TRIM36: variants seen among roughly 807,000 people sequenced by gnomAD.
TRIM36 encodes the protein tripartite motif containing 36.
TRIM36 carries 42 observed loss-of-function variants against 72.4 expected under a neutral mutation model. The observed-to-expected ratio is 0.58, with a 90% CI of 0.45 to 0.75. TRIM36 has a LOEUF of 0.75. Ranked by LOEUF, TRIM36 falls within the 30% of genes least tolerant of loss-of-function variation. TRIM36 has a pLI of 0.00. For missense variants in TRIM36, 913 were observed against 857.1 expected (o/e 1.07, Z -0.81); for synonymous variants, 315 against 282.8 (o/e 1.11, Z -1.14).
chr5:115,168,156 A>G (rs112568417), intron 1 of TRIM36, among the ~76,000 whole-genome samples: 3,951 of 152,330 alleles, frequency 0.026, 174 homozygotes, highest in African/African-American at 0.09. Flanking sequence ...TTGGGTGTGG[A>G]CACAAAGCCT....
chr5:115,147,733 C>T (rs570101515), intron 2 of TRIM36, among the ~76,000 whole-genome samples: 2 of 152,188 alleles, frequency 1.3e-5, no homozygotes, highest in East Asian at 3.9e-4. Flanking sequence ...ATATAATTAG[C>T]ATTTATAGTT....
intron 7 of TRIM36, among the ~76,000 whole-genome samples, chr5:115,135,660 G>A (rs993384695): frequency 6.6e-6 from 1 of 152,040 alleles, no homozygotes; most frequent in Non-Finnish European, 1.5e-5. Flanking sequence ...CCACAGGGAG[G>A]GAGGACCTAG....
rs1326200311 is a variant in TRIM36 at position 115,134,026 on chromosome 5, A to T, written c.1332T>A (p.Asn444Lys). The change falls in exon 8 of 10, where the codon AAT (asparagine) becomes AAA (lysine). Residue 444 changes from asparagine to lysine, a missense_variant. Transcript: ENST00000513154. ...DSYVLEYRKI[N>K]RDDEMSWNEI... ...CATTCCATGACATTTCATCATCTCTATTGATTTTCCGATATTCAAGAACAT... is the reference window on the plus strand; with the variant it reads ...CATTCCATGACATTTCATCATCTCTTTTGATTTTCCGATATTCAAGAACAT... 2 of 1,613,844 alleles carry T rather than the reference A, an allele frequency of 1.2e-6. No homozygotes were observed. The highest frequency in any genetic ancestry group is 1.7e-5 in the Admixed American group (1 of 60,006).
At chr5:115,171,107 GT>G (rs777092725), upstream of TRIM36, 50 of 1,614,104 alleles carry the variant, frequency 3.1e-5, no homozygotes, top group Non-Finnish European at 4.2e-5. Context: ...TCTCGTTTAG[GT>G]TTTAAAATGC....
chr5:115,130,462 A>G, intron 9 of TRIM36, 130 bp downstream of exon 9: 1 of 1,052,626 alleles, frequency 9.5e-7, no homozygotes, highest in Middle Eastern at 3.1e-4. Flanking sequence ...TCCTTTTCTC[A>G]ATCAAGCCAC....
At chr5:115,151,363 C>T (rs1225912076) in intron 2 of TRIM36, among the ~76,000 whole-genome samples, 1 of 152,222 alleles carries the variant, frequency 6.6e-6, no homozygotes, top group Non-Finnish European at 1.5e-5. Flanking sequence ...ATCCCCGCAG[C>T]AGCTGCAGCA....
chr5:115,168,054 G>A lies in TRIM36; in HGVS notation c.27+1554C>T, dbSNP rs191001895. Among the ~76,000 whole-genome samples, 551 of 152,136 alleles carry A rather than the reference G, an allele frequency of 3.6e-3. 2 individuals carry two copies. Among genetic ancestry groups the A allele is most frequent in the African/African-American group, 0.013 (527 of 41,518 alleles). On this transcript the variant is annotated intron_variant, in intron 1 of 9. Coordinates refer to ENST00000513154, the MANE Select transcript of TRIM36 (RefSeq NM_001300759.2). ...AGATATTGGGAGAATTCACTATCAC[G>A]AAAACAGCATGGGGGAAACCACTCC...
chr5:115,146,997 A>T, intron 3 of TRIM36, 72 bp downstream of exon 3: 1 of 1,326,164 alleles, frequency 7.5e-7, no homozygotes, highest in Non-Finnish European at 1.0e-6. Flanking sequence ...TTTATTTCGT[A>T]ACATTAAGTA....
chr5:115,153,128 C>T (rs1753983378), intron 2 of TRIM36, among the ~76,000 whole-genome samples: 1 of 152,236 alleles, frequency 6.6e-6, no homozygotes, highest in South Asian at 2.1e-4. Flanking sequence ...CAACTATCTG[C>T]TGCCTTCAAG....
intron 1 of TRIM36, chr5:115,177,895 G>A: frequency 6.2e-7 from 1 of 1,612,102 alleles, no homozygotes; most frequent in Non-Finnish European, 8.5e-7. Context: ...GAGACAGAGA[G>A]AGAGAGAGCA....
chr5:115,180,238 T>C (rs547254718), upstream of TRIM36: 2 of 508,558 alleles, frequency 3.9e-6, no homozygotes, highest in Non-Finnish European at 6.9e-6. Flanking sequence ...CCGGGCAGCC[T>C]CGCCCGGCTT....
chr5:115,177,908 G>C (rs545026742), intron 1 of TRIM36: 2 of 1,600,692 alleles, frequency 1.2e-6, no homozygotes, highest in East Asian at 4.5e-5. Context: ...AGAGAGCAGA[G>C]AAATCCAGTA....
At chr5:115,140,775 G>C (rs1366878483) in intron 5 of TRIM36, among the ~76,000 whole-genome samples, 2 of 151,960 alleles carry the variant, frequency 1.3e-5, no homozygotes, top group African/African-American at 4.8e-5. Context: ...ACTGTTAATG[G>C]GCATGTGGGT....
intron 7 of TRIM36, among the ~76,000 whole-genome samples, chr5:115,134,606 T>C (rs548680679): frequency 3.3e-5 from 5 of 152,120 alleles, no homozygotes; most frequent in Non-Finnish European, 7.4e-5. Context: ...ACTGGCATGA[T>C]CTCAGCTCAC....
rs745675060 is a variant in TRIM36 at position 115,163,547 on chromosome 5, A to G, written c.233T>C (p.Met78Thr). The G allele has an allele frequency of 1.2e-6, 2 of 1,614,060 alleles. No individual in the cohort carries two copies. The highest frequency in any genetic ancestry group is 1.7e-5 in the Admixed American group (1 of 60,002). The part of the protein sequence containing the change: ...SPRLRLPSPS[M>T]DKIDRINRPG... ...TCTGTTAATTCGGTCAATTTTATCC[A>G]TACTAGGGGAGGGGAGCCGAAGTCG... Residue 78 changes from methionine (M) to threonine (T), a missense_variant, in exon 2 of 10, where the codon ATG (methionine) becomes ACG (threonine). Transcript: ENST00000513154.
chr5:115,148,569 C>A (rs1440837652), intron 2 of TRIM36, among the ~76,000 whole-genome samples: 2 of 151,904 alleles, frequency 1.3e-5, no homozygotes, highest in African/African-American at 4.8e-5. Context: ...CACCACCACA[C>A]CTAGCTAATT....
chr5:115,142,152 T>C (rs1753313158), intron 4 of TRIM36, among the ~76,000 whole-genome samples: 1 of 152,144 alleles, frequency 6.6e-6, no homozygotes, highest in Non-Finnish European at 1.5e-5. Flanking sequence ...TTTCAAGCTG[T>C]AGCTCTTAAA....
chr5:115,142,564 G>T (rs1246585219), intron 4 of TRIM36, among the ~76,000 whole-genome samples: 1 of 152,200 alleles, frequency 6.6e-6, no homozygotes, highest in African/African-American at 2.4e-5. Context: ...CACACTCTCT[G>T]AGTTTTAATG....
Position 115,126,393 on chromosome 5 carries a change from A to T in TRIM36, c.*110T>A. ...GTATTTCAAGAAGAATCATACTCAA[A>T]CACAAGTGGGGTGACAGAACACTCA... On this transcript the variant is annotated 3_prime_UTR_variant, in exon 10 of 10. Coordinates refer to ENST00000513154, the MANE Select transcript of TRIM36 (RefSeq NM_001300759.2). 1 of 822,056 alleles carries T rather than the reference A, an allele frequency of 1.2e-6. No homozygotes were observed. The highest frequency in any genetic ancestry group is 1.7e-5 in the African/African-American group (1 of 58,234). 50.9% of individuals were successfully genotyped at this position (822,056 alleles called of 1,614,324 possible).
Sources: gnomAD v4.1 joint callset for allele counts (sites outside exome capture counted in the v4.1 genomes callset) on GRCh38, gnomAD v4.1.1 for gene constraint, MANE v1.5 for transcripts, NCBI Gene and HGNC (gene_info 2026-07-23, HGNC 2026-07-21) for gene names.